Variants in UBR7 observed in about 807,000 individuals in gnomAD.
UBR7 encodes putative E3 ubiquitin-protein ligase UBR7.
A neutral mutation model predicts 57.0 loss-of-function variants in UBR7; 22 were observed. The ratio of observed to expected loss-of-function variants is 0.39; its 90% CI spans 0.28 to 0.55. The LOEUF (loss-of-function observed/expected upper bound fraction) is 0.55, where lower values mean the gene tolerates loss of function less well. Ranked by LOEUF, UBR7 falls within the 20% of genes least tolerant of loss-of-function variation. The probability of loss-of-function intolerance (pLI) is 0.69; values close to 1 mark genes in which losing one functional copy is unlikely to be tolerated. For missense variants in UBR7, 395 were observed against 513.2 expected (o/e 0.77, Z 2.23); for synonymous variants, 167 against 179.8 (o/e 0.93, Z 0.57).
intron 3 of UBR7, among the ~76,000 whole-genome samples, chr14:93,211,673 T>G (rs1426117359): frequency 6.6e-6 from 1 of 152,140 alleles, no homozygotes; most frequent in Admixed American, 6.6e-5. Flanking sequence ...GGCATCATAG[T>G]GAGACCCCAT....
At chr14:93,215,575 G>A (rs1894574097) in intron 6 of UBR7, among the ~76,000 whole-genome samples, 1 of 151,262 alleles carries the variant, frequency 6.6e-6, no homozygotes, top group Admixed American at 6.6e-5. Context: ...TGTAATCCCA[G>A]CTACTCCAGA....
chr14:93,215,689 C>CAAAA (rs34666080), intron 6 of UBR7, among the ~76,000 whole-genome samples: 4 of 71,806 alleles, frequency 5.6e-5, no homozygotes, highest in East Asian at 4.7e-4. Context: ...ACTCCATCCT[C>CAAAA]AAAAAAAAAA....
chr14:93,213,028 C>T (rs994779009), intron 4 of UBR7, among the ~76,000 whole-genome samples: 6 of 152,048 alleles, frequency 3.9e-5, no homozygotes, highest in African/African-American at 9.7e-5. Flanking sequence ...GTCCTGGCTA[C>T]GCGGGAGGCT....
Position 93,228,965 on chromosome 14 carries a change from A to G in UBR7, c.*1930A>G, listed in dbSNP as rs1166608349. 2.2e-6 allele frequency: 1 copy of G among 453,950 alleles called. No homozygotes were observed. Among genetic ancestry groups the G allele is most frequent in the East Asian group, 6.9e-5 (1 of 14,396 alleles). 28.1% of individuals were successfully genotyped at this position (453,950 alleles called of 1,614,324 possible). ...TATTCCTTCTTTCACATTAACTGGA[A>G]ACCTCTTTTTTTACCTGTTGTTCAC... On this transcript the variant is annotated 3_prime_UTR_variant, in exon 11 of 11. Coordinates refer to ENST00000013070, the MANE Select transcript of UBR7 (RefSeq NM_175748.4).
chr14:93,228,191 T>C lies in UBR7; in HGVS notation c.*1156T>C. On this transcript the variant is annotated 3_prime_UTR_variant, in exon 11 of 11. Transcript: ENST00000013070. ...CACTTCCCTAACGACTATGAGATCT[T>C]TTTTTTGAAGATCCTCATGGAAGGT... is the stretch of plus-strand genomic sequence containing the variant. The C allele has an allele frequency of 1.9e-6, 1 of 528,562 alleles. No homozygotes were observed. The highest frequency in any genetic ancestry group is 3.6e-6 in the Non-Finnish European group (1 of 275,800). The allele number at this position is 528,562 out of a possible 1,614,324, so 32.7% of individuals were successfully genotyped here.
At chr14:93,226,809 A>G in intron 10 of UBR7, 134 bp from the exon 11 acceptor site, 3 of 481,742 alleles carry the variant, frequency 6.2e-6, no homozygotes, top group Non-Finnish European at 1.1e-5. Flanking sequence ...AAAAAAAAAA[A>G]AAAATAGAAA....
chr14:93,210,836 C>A, intron 3 of UBR7, 128 bp downstream of exon 3: 1 of 763,250 alleles, frequency 1.3e-6, no homozygotes. Flanking sequence ...TTGCAGATGG[C>A]CATTTCATTT....
chr14:93,223,690 CGTG>C (rs1346015949), intron 10 of UBR7: 4 of 1,105,224 alleles, frequency 3.6e-6, no homozygotes, highest in Non-Finnish European at 5.4e-6. Flanking sequence ...ATCTTGGAGT[CGTG>C]GAACTGCTTG....
chr14:93,218,548 A>G lies in UBR7; in HGVS notation c.623A>G (p.Asp208Gly). The change falls in exon 7 of 11, where the codon GAT becomes GGT. Residue 208 changes from aspartate (D) to glycine (G), a missense_variant. Coordinates refer to ENST00000013070, the MANE Select transcript of UBR7 (RefSeq NM_175748.4). ...ACAGTAACCAAAATATCCACTGAGG[A>G]TGATGGATTGGTGCGGAACATTGAT... ...QLAVTKISTE[D>G]DGLVRNIDGI... The G allele has an allele frequency of 6.2e-7, 1 of 1,614,066 alleles. No homozygotes were observed. Among genetic ancestry groups the G allele is most frequent in the Non-Finnish European group, 8.5e-7 (1 of 1,180,018 alleles).
chr14:93,224,125 G>C (rs1234755221), intron 10 of UBR7: 7 of 752,322 alleles, frequency 9.3e-6, no homozygotes, highest in Non-Finnish European at 1.6e-5. Context: ...CTCATAGTGT[G>C]CCCGAGGCCT....
intron 10 of UBR7, among the ~76,000 whole-genome samples, chr14:93,223,384 G>A (rs1251690835): frequency 1.0e-5 from 1 of 96,356 alleles, no homozygotes. Flanking sequence ...GACAGAGCAA[G>A]ACTCCATCTC....
At chr14:93,223,540 T>C (rs1566824453) in intron 10 of UBR7, 3 of 662,814 alleles carry the variant, frequency 4.5e-6, no homozygotes, top group South Asian at 3.4e-5. Context: ...TTTTTCTTTT[T>C]TGGGGTGGGG....
In UBR7 at chr14:93,221,852, G is replaced by A. The variant is rs758734973; in HGVS notation, c.1124-461G>A. On this transcript the variant is annotated intron_variant, in intron 9 of 10. Coordinates refer to ENST00000013070, the MANE Select transcript of UBR7 (RefSeq NM_175748.4). Reference sequence around the variant, plus strand: ...TAAAAAAGTAGCCAGGCATGGTGGCGCGTGCCTGTAGTCCCAGCTACTCGG... The same window carrying A: ...TAAAAAAGTAGCCAGGCATGGTGGCACGTGCCTGTAGTCCCAGCTACTCGG... 1.4e-4 allele frequency among the ~76,000 whole-genome samples: 22 copies of A among 152,094 alleles called. No individual in the cohort carries two copies. The East Asian group carries it at 1.8e-3, about 12-fold the overall frequency.
At position 93,228,171 on chromosome 14, in the gene UBR7, C is replaced by T. The variant is rs1259463046; in HGVS notation, c.*1136C>T. On this transcript the variant is annotated 3_prime_UTR_variant, in exon 11 of 11. Transcript: ENST00000013070. ...ATAATGTTAATGTCCACCGCCACTT[C>T]CCTAACGACTATGAGATCTTTTTTT... 2 of 573,292 alleles carry T rather than the reference C, an allele frequency of 3.5e-6. No homozygotes were observed. Among genetic ancestry groups the T allele is most frequent in the Admixed American group, 2.2e-5 (1 of 45,988 alleles). The allele number at this position is 573,292 out of a possible 1,614,324, so 35.5% of individuals were successfully genotyped here.
At position 93,227,269 on chromosome 14, in the gene UBR7, C is replaced by A. The variant is rs1472220352; in HGVS notation, c.*234C>A. 1.6e-6 allele frequency: 1 copy of A among 616,726 alleles called. No homozygotes were observed. Among genetic ancestry groups the A allele is most frequent in the Non-Finnish European group, 3.0e-6 (1 of 332,748 alleles). 38.2% of individuals were successfully genotyped at this position (616,726 alleles called of 1,614,324 possible). A position where few individuals can be genotyped will look rare whatever the true frequency, so the allele number is the denominator to read the frequency against. ...ATTCCACAGACTTCTCCAGTGTACT[C>A]CTACTCCAGTGCACCCAGGGTTATT... On this transcript the variant is annotated 3_prime_UTR_variant, in exon 11 of 11. Coordinates refer to ENST00000013070, the MANE Select transcript of UBR7 (RefSeq NM_175748.4).
At position 93,222,321 on chromosome 14, in the gene UBR7, G is replaced by A. The variant is rs955488975; in HGVS notation, c.1132G>A (p.Asp378Asn). The A allele has an allele frequency of 4.4e-6, 7 of 1,607,520 alleles. No homozygotes were observed. In the Middle Eastern group the frequency reaches 9.9e-4, roughly 228 times the overall value. The change falls in exon 10 of 11, where the codon GAT (aspartate) becomes AAT (asparagine). Residue 378 changes from aspartate to asparagine, a missense_variant. Coordinates refer to ENST00000013070, the MANE Select transcript of UBR7 (RefSeq NM_175748.4). Reference sequence around the variant, plus strand: ...TTGTGGTTTTGATTTAGAATACAATGATTTGAAGACTGAACTTAAAGACTA... The same window carrying A: ...TTGTGGTTTTGATTTAGAATACAATAATTTGAAGACTGAACTTAAAGACTA... ...QQVELICEYNDLKTELKDYLK... is the reference protein window; with the variant it reads ...QQVELICEYNNLKTELKDYLK...
chr14:93,219,243 A>C lies in UBR7; in HGVS notation c.842A>C (p.Glu281Ala), dbSNP rs199921724. 1 of 1,614,236 alleles carries C rather than the reference A, an allele frequency of 6.2e-7. No individual in the cohort carries two copies. Among genetic ancestry groups the C allele is most frequent in the African/African-American group, 1.3e-5 (1 of 75,060 alleles). The change falls in exon 8 of 11, where the codon GAA becomes GCA. Residue 281 changes from glutamate (E) to alanine (A), a missense_variant. Glu to Ala is a moderately radical substitution (Grantham distance 107, BLOSUM62 -1). Coordinates refer to ENST00000013070, the MANE Select transcript of UBR7 (RefSeq NM_175748.4). ...TVFKNESLNA[E>A]SKSGCKLQEL... is the part of the protein sequence containing the mutation. ...TTTAAGAATGAAAGCCTCAACGCAG[A>C]ATCAAAATCTGGCTGCAAACTTCAG...
At chr14:93,226,427 T>G (rs1265499658) in intron 10 of UBR7, among the ~76,000 whole-genome samples, 1 of 152,116 alleles carries the variant, frequency 6.6e-6, no homozygotes, top group Non-Finnish European at 1.5e-5. Flanking sequence ...GGAGGATCAC[T>G]TGAGCTCAGA....
intron 4 of UBR7, among the ~76,000 whole-genome samples, chr14:93,212,563 A>G (rs1218381589): frequency 1.3e-5 from 2 of 152,224 alleles, no homozygotes; most frequent in Admixed American, 6.5e-5. Flanking sequence ...CCTCCCAGGC[A>G]TAACCACTGT....
Sources: allele counts gnomAD v4.1 joint callset (sites outside exome capture counted in the v4.1 genomes callset), GRCh38; gene constraint gnomAD v4.1.1; transcripts MANE v1.5; gene names NCBI Gene and HGNC (gene_info 2026-07-23, HGNC 2026-07-21).